The following IFNGR1 variants were observed in gnomAD, a reference collection of about 807,000 sequenced individuals.
IFNGR1 encodes interferon gamma receptor 1, also known as AVP, type 2.
IFNGR1 carries 23 observed loss-of-function variants against 35.4 expected under a neutral mutation model. The ratio of observed to expected loss-of-function variants is 0.65; its 90% CI spans 0.47 to 0.92. The LOEUF is 0.92. Ranked by LOEUF, IFNGR1 falls within the 40% of genes least tolerant of loss-of-function variation. The pLI is 0.00. For synonymous variants in IFNGR1, 199 were observed against 209.5 expected, an observed-to-expected ratio of 0.95 and a Z score of 0.43; for missense variants, 533 against 583.4, an observed-to-expected ratio of 0.91 and a Z score of 0.89.
intron 3 of IFNGR1, among the ~76,000 whole-genome samples, chr6:137,205,611 A>C (rs1330184783): frequency 1.3e-5 from 2 of 152,182 alleles, no homozygotes; most frequent in Non-Finnish European, 2.9e-5. Context: ...AATATAACTT[A>C]CAAATGAATG....
At chr6:137,206,611 A>G (rs568769317) in intron 2 of IFNGR1, 1 of 398,416 alleles carries the variant, frequency 2.5e-6, no homozygotes, top group East Asian at 4.7e-5. Flanking sequence ...TATGTTAATT[A>G]TAGAAGTAAG....
intron 1 of IFNGR1, chr6:137,218,589 TCCCCC>T: frequency 3.3e-6 from 2 of 612,482 alleles, no homozygotes; most frequent in African/African-American, 3.9e-5. Flanking sequence ...GCACTTTGAG[TCCCCC>T]CCCCCACCCC....
chr6:137,218,487 T>C (rs866914353), intron 1 of IFNGR1: 2 of 1,289,116 alleles, frequency 1.6e-6, no homozygotes, highest in South Asian at 1.2e-5. Flanking sequence ...AATCCACCAC[T>C]TCCAGACTGA....
Position 137,197,913 on chromosome 6 carries a change from C to A in IFNGR1, c.*118G>T. The A allele has an allele frequency of 7.4e-7, 1 of 1,354,302 alleles. No individual in the cohort carries two copies. Among genetic ancestry groups the A allele is most frequent in the African/African-American group, 1.4e-5 (1 of 69,802 alleles). 83.9% of individuals were successfully genotyped at this position (1,354,302 alleles called of 1,614,324 possible). ...TTACGCTTTCATGTACACTAAGTCA[C>A]TCCATTTGGTTGATACCAACTAAGA... On this transcript the variant is annotated 3_prime_UTR_variant, in exon 7 of 7. Transcript: ENST00000367739.
intron 1 of IFNGR1, chr6:137,218,853 G>T (rs1779771092): frequency 2.8e-6 from 1 of 360,410 alleles, no homozygotes. Flanking sequence ...GCATACTAGT[G>T]AGTATCTGCG....
rs900218179 is a variant in IFNGR1 at position 137,200,402 on chromosome 6, G to A, written c.861+479C>T. 2.6e-5 allele frequency among the ~76,000 whole-genome samples: 4 copies of A among 152,270 alleles called. No individual in the cohort carries two copies. The South Asian group carries it at 8.3e-4, about 32-fold the overall frequency. On this transcript the variant is annotated intron_variant, in intron 6 of 6. Coordinates refer to ENST00000367739, the MANE Select transcript of IFNGR1 (RefSeq NM_000416.3). The stretch of plus-strand genomic sequence containing the variant: ...TTTCATACTCCAACCATAATGAAGT[G>A]TTTCTGTATTTGCAGAGCTTTCAAA...
intron 4 of IFNGR1, 54 bp downstream of exon 4, chr6:137,204,278 C>G (rs910980903): frequency 6.9e-7 from 1 of 1,452,946 alleles, no homozygotes; most frequent in Non-Finnish European, 9.7e-7. Context: ...CAGAAAGGAA[C>G]AACTTTTGCT....
rs1257556553 is a variant in IFNGR1, at chr6:137,198,145, G to C, written c.1356C>G (p.Pro452=). ...GTGGTTTATCATAACCAAAGGAGGT[G>C]GGGGCTTTTATTACGGTTATGAGCT... ...GQELITVIKA[P]TSFGYDKPHV... Residue 452 remains proline, a synonymous_variant, in exon 7 of 7, where the codon CCC becomes CCG. Transcript: ENST00000367739. 6.2e-7 allele frequency: 1 copy of C among 1,613,978 alleles called. No homozygotes were observed. The highest frequency in any genetic ancestry group is 1.7e-5 in the Admixed American group (1 of 59,972).
intron 1 of IFNGR1, among the ~76,000 whole-genome samples, chr6:137,212,191 C>T (rs1779590942): frequency 6.6e-6 from 1 of 152,144 alleles, no homozygotes; most frequent in Admixed American, 6.5e-5. Flanking sequence ...AGCTTTCTGC[C>T]ACTACATAGC....
intron 1 of IFNGR1, among the ~76,000 whole-genome samples, chr6:137,212,034 T>C (rs936843724): frequency 5.3e-5 from 8 of 152,140 alleles, no homozygotes; most frequent in Non-Finnish European, 7.3e-5. Context: ...CTTCCCATGA[T>C]TGAGCAAAGT....
At chr6:137,218,416 T>G in intron 1 of IFNGR1, 1 of 1,055,726 alleles carries the variant, frequency 9.5e-7, no homozygotes, top group Non-Finnish European at 1.3e-6. Context: ...GGAAATAAAA[T>G]GCTCCGAAGA....
At chr6:137,218,723 C>T (rs913010796) in intron 1 of IFNGR1, 2 of 350,644 alleles carry the variant, frequency 5.7e-6, no homozygotes, top group Non-Finnish European at 5.6e-6. Context: ...GGAGAAATGT[C>T]CCCTTAGGCA....
At position 137,198,450 on chromosome 6, in the gene IFNGR1, T is replaced by G. The variant is rs752445290; in HGVS notation, c.1051A>C (p.Ser351Arg). The G allele has an allele frequency of 6.2e-7, 1 of 1,614,188 alleles. No individual in the cohort carries two copies. Among genetic ancestry groups the G allele is most frequent in the Admixed American group, 1.7e-5 (1 of 60,008 alleles). ...GKVEHTEELS[S>R]ITEVVTTEEN... ...TCAGTAGTCACCACTTCTGTTATAC[T>G]AGAAAGTTCTTCTGTATGTTCCACT... The change falls in exon 7 of 7, where the codon AGT becomes CGT. Residue 351 changes from serine to arginine, a missense_variant. Coordinates refer to ENST00000367739, the MANE Select transcript of IFNGR1 (RefSeq NM_000416.3).
At chr6:137,206,902 GA>G in intron 2 of IFNGR1, 60 bp downstream of exon 2, 1 of 1,292,456 alleles carries the variant, frequency 7.7e-7, no homozygotes, top group Non-Finnish European at 1.1e-6. Flanking sequence ...CACAGTTGTG[GA>G]ATTTCCAAGG....
chr6:137,217,925 C>G (rs1052961803), intron 1 of IFNGR1, among the ~76,000 whole-genome samples: 1 of 152,192 alleles, frequency 6.6e-6, no homozygotes, highest in Middle Eastern at 3.2e-3. Context: ...ACCTCTGGTT[C>G]CAACACTGGG....
At position 137,198,047 on chromosome 6, in the gene IFNGR1, G is replaced by A. The variant is rs752113778; in HGVS notation, c.1454C>T (p.Ser485Phe). 1 of 1,614,018 alleles carries A rather than the reference G, an allele frequency of 6.2e-7. No homozygotes were observed. The highest frequency in any genetic ancestry group is 1.6e-4 in the Middle Eastern group (1 of 6,062). ...TAGCTGATCTCATGAAAATTCTTTG[G>A]AATCTTCTGTTGGTCTATAACCAAT... ...SLIGYRPTED[S>F]KEFS Residue 485 changes from serine (S) to phenylalanine (F), a missense_variant, in exon 7 of 7, where the codon TCC (serine) becomes TTC (phenylalanine). Coordinates refer to ENST00000367739, the MANE Select transcript of IFNGR1 (RefSeq NM_000416.3).
At chr6:137,205,380 G>A (rs1779405256) in intron 3 of IFNGR1, among the ~76,000 whole-genome samples, 2 of 152,130 alleles carry the variant, frequency 1.3e-5, no homozygotes, top group African/African-American at 4.8e-5. Flanking sequence ...GCTAAGGCAG[G>A]ATGTCATAGT....
At position 137,215,342 on chromosome 6, in the gene IFNGR1, T is replaced by C. The variant is rs1779667318; in HGVS notation, c.85+3901A>G. The stretch of plus-strand genomic sequence containing the variant: ...AGCATCTGCTTCAGGTAATGTTTCC[T>C]GATTTTATTACATTATCACAATTAT... On this transcript the variant is annotated intron_variant, in intron 1 of 6. Transcript: ENST00000367739. 3 of 1,544,072 alleles carry C rather than the reference T, an allele frequency of 1.9e-6. No homozygotes were observed. In the African/African-American group the frequency reaches 4.1e-5, roughly 21 times the overall value.
At chr6:137,214,818 T>C (rs1247794421) in intron 1 of IFNGR1, among the ~76,000 whole-genome samples, 5 of 152,218 alleles carry the variant, frequency 3.3e-5, no homozygotes, top group Non-Finnish European at 7.3e-5. Context: ...AATGCAGGCC[T>C]TTCCAGTCTA....
Sources: gnomAD v4.1 joint callset for allele counts (sites outside exome capture counted in the v4.1 genomes callset) on GRCh38, gnomAD v4.1.1 for gene constraint, MANE v1.5 for transcripts, NCBI Gene and HGNC (gene_info 2026-07-23, HGNC 2026-07-21) for gene names.